FSIP1: variants seen among roughly 807,000 people sequenced by gnomAD.
FSIP1 encodes fibrous sheath interacting protein 1.
A neutral mutation model predicts 60.9 loss-of-function variants in FSIP1; 65 were observed. The observed-to-expected ratio is 1.07, with a 90% CI of 0.87 to 1.31. FSIP1 has a LOEUF of 1.31. Among genes scored for constraint, FSIP1 ranks in the 40% most tolerant of loss-of-function variants. The pLI is 0.00. For missense variants in FSIP1, 675 were observed against 665.5 expected (o/e 1.01, Z -0.16); for synonymous variants, 209 against 221.2 (o/e 0.94, Z 0.49).
At chr15:39,636,455 ATC>A (rs1299825014) in intron 10 of FSIP1, among the ~76,000 whole-genome samples, 6 of 152,200 alleles carry the variant, frequency 3.9e-5, no homozygotes, top group Non-Finnish European at 7.3e-5. Flanking sequence ...TTAGTTACAC[ATC>A]TGGGAGTAGG....
At chr15:39,634,049 C>T (rs973408900) in intron 10 of FSIP1, among the ~76,000 whole-genome samples, 1 of 152,194 alleles carries the variant, frequency 6.6e-6, no homozygotes, top group East Asian at 1.9e-4. Flanking sequence ...AACGGACTCC[C>T]TGTGCTCCTC....
chr15:39,627,500 G>C (rs1891690581), intron 10 of FSIP1, among the ~76,000 whole-genome samples: 1 of 152,242 alleles, frequency 6.6e-6, no homozygotes, highest in South Asian at 2.1e-4. Flanking sequence ...ACCAAGGGGA[G>C]AGGGAAGGCA....
At chr15:39,642,002 T>G (rs141305315) in intron 10 of FSIP1, among the ~76,000 whole-genome samples, 1 of 152,272 alleles carries the variant, frequency 6.6e-6, no homozygotes, top group African/African-American at 2.4e-5. Context: ...TTGGGACTCT[T>G]GAAATCAACC....
chr15:39,762,739 T>C lies in FSIP1; in HGVS notation c.559+1082A>G, dbSNP rs148238721. On this transcript the variant is annotated intron_variant, in intron 5 of 11. Coordinates refer to ENST00000350221, the MANE Select transcript of FSIP1 (RefSeq NM_152597.5). ...GACAAGGCCTGGAAATGGCATAGTA[T>C]CATTTTTGCTGTAATATATCAATCA... 5.5e-3 allele frequency among the ~76,000 whole-genome samples: 831 copies of C among 152,282 alleles called. 5 individuals carry two copies. The highest frequency in any genetic ancestry group is 0.019 in the African/African-American group (777 of 41,554).
At chr15:39,692,907 G>A (rs746178750) in intron 10 of FSIP1, among the ~76,000 whole-genome samples, 4 of 152,338 alleles carry the variant, frequency 2.6e-5, no homozygotes, top group Non-Finnish European at 5.9e-5. Context: ...CCCACGCTAC[G>A]CCTGCCTGGC....
In FSIP1 at chr15:39,726,840, C is replaced by T. The variant is rs147566669; in HGVS notation, c.892-93G>A. On this transcript the variant is annotated intron_variant, in intron 8 of 11. Transcript: ENST00000350221. ...GGCTATAACAGTGCCCAGGTCTTCA[C>T]ATACACACACAAACACACACACACA... The T allele has an allele frequency of 4.8e-5, 37 of 774,604 alleles. No homozygotes were observed. In the African/African-American group the frequency reaches 4.8e-4, roughly 10 times the overall value. The allele number at this position is 774,604 out of a possible 1,614,324, so 48.0% of individuals were successfully genotyped here. A position where few individuals can be genotyped will look rare whatever the true frequency, so the allele number is the denominator to read the frequency against.
intron 10 of FSIP1, among the ~76,000 whole-genome samples, chr15:39,628,832 A>G (rs1891753569): frequency 1.3e-5 from 2 of 152,234 alleles, no homozygotes; most frequent in Non-Finnish European, 2.9e-5. Flanking sequence ...TAGTCAGTAG[A>G]GTAAAAATAC....
intron 10 of FSIP1, among the ~76,000 whole-genome samples, chr15:39,632,661 C>CT (rs1480004533): frequency 6.6e-6 from 1 of 152,050 alleles, no homozygotes; most frequent in East Asian, 1.9e-4. Context: ...GGCATGGTGA[C>CT]GTGTGCCTGT....
At chr15:39,685,720 C>T (rs1894339710) in intron 10 of FSIP1, among the ~76,000 whole-genome samples, 1 of 152,118 alleles carries the variant, frequency 6.6e-6, no homozygotes, top group Non-Finnish European at 1.5e-5. Context: ...AATTTTTATA[C>T]AAAAGATGAG....
chr15:39,720,148 A>T (rs1895897813), intron 9 of FSIP1, among the ~76,000 whole-genome samples: 1 of 152,202 alleles, frequency 6.6e-6, no homozygotes, highest in Admixed American at 6.5e-5. Flanking sequence ...AAATCCCTGG[A>T]CCCAATAATA....
At chr15:39,622,279 G>A (rs934977215) in intron 10 of FSIP1, among the ~76,000 whole-genome samples, 4 of 152,142 alleles carry the variant, frequency 2.6e-5, no homozygotes, top group Non-Finnish European at 5.9e-5. Flanking sequence ...ACTCAACATA[G>A]TGCATCTCAG....
rs146066090 is a variant in FSIP1 at position 39,760,220 on chromosome 15, C to T, written c.559+3601G>A. Among the ~76,000 whole-genome samples the T allele has an allele frequency of 1.8e-3, 269 of 152,082 alleles. 1 individual carries two copies. The highest frequency in any genetic ancestry group is 6.1e-3 in the African/African-American group (253 of 41,482). On this transcript the variant is annotated intron_variant, in intron 5 of 11. Coordinates refer to ENST00000350221, the MANE Select transcript of FSIP1 (RefSeq NM_152597.5). ...GTTCCAGTTATCTATTGTTGGATTA[C>T]AAAATCACCCAAATCTAGTGGCATA... is the stretch of plus-strand genomic sequence containing the variant.
chr15:39,656,417 GTCCTCT>G (rs1893072300), intron 10 of FSIP1, among the ~76,000 whole-genome samples: 1 of 152,250 alleles, frequency 6.6e-6, no homozygotes, highest in Non-Finnish European at 1.5e-5. Flanking sequence ...TCTAAATCTT[GTCCTCT>G]TTCTGGCTTT....
At chr15:39,695,322 C>T (rs1894772476) in intron 10 of FSIP1, among the ~76,000 whole-genome samples, 1 of 151,612 alleles carries the variant, frequency 6.6e-6, no homozygotes. Context: ...CACCCAGTAC[C>T]CAACTGTTCC....
intron 11 of FSIP1, among the ~76,000 whole-genome samples, chr15:39,603,741 A>C (rs929958446): frequency 1.3e-5 from 2 of 152,194 alleles, no homozygotes; most frequent in African/African-American, 4.8e-5. Context: ...AGAAGAAAAA[A>C]GCAGACATTC....
At chr15:39,722,521 T>C (rs1462361872) in intron 9 of FSIP1, among the ~76,000 whole-genome samples, 1 of 152,104 alleles carries the variant, frequency 6.6e-6, no homozygotes, top group African/African-American at 2.4e-5. Flanking sequence ...ATGGTGGTTT[T>C]CTTCTGTGTC....
chr15:39,717,931 G>T (rs143628216), intron 9 of FSIP1, among the ~76,000 whole-genome samples: 1 of 152,278 alleles, frequency 6.6e-6, no homozygotes, highest in African/African-American at 2.4e-5. Context: ...ACTAATTACC[G>T]CTCAAGCGCT....
At chr15:39,665,758 G>A (rs2140459909) in intron 10 of FSIP1, among the ~76,000 whole-genome samples, 1 of 152,230 alleles carries the variant, frequency 6.6e-6, no homozygotes, top group South Asian at 2.1e-4. Flanking sequence ...CTGAATAAAA[G>A]TGCAGGGGTG....
At chr15:39,640,099 T>A (rs1477737005) in intron 10 of FSIP1, among the ~76,000 whole-genome samples, 1 of 152,166 alleles carries the variant, frequency 6.6e-6, no homozygotes, top group Non-Finnish European at 1.5e-5. Flanking sequence ...GTTAACCCCA[T>A]GTATGTACAT....
Sources: allele counts gnomAD v4.1 joint callset (sites outside exome capture counted in the v4.1 genomes callset), GRCh38; gene constraint gnomAD v4.1.1; transcripts MANE v1.5; gene names NCBI Gene and HGNC (gene_info 2026-07-23, HGNC 2026-07-21).